Variants in GMCL1 observed in about 807,000 individuals in gnomAD.
GMCL1 encodes germ cell-less 1, spermatogenesis associated.
Under a neutral mutation model 75.5 loss-of-function variants are expected in GMCL1, and 54 were observed. That is an observed-to-expected ratio of 0.71 (90% CI 0.57 to 0.90). GMCL1 has a LOEUF of 0.90. GMCL1 is among the 40% of genes least tolerant of loss of function. The pLI is 0.00. For synonymous variants in GMCL1, 210 were observed against 209.6 expected (o/e 1.00, Z -0.02); for missense variants, 537 against 622.7 (o/e 0.86, Z 1.47).
Position 69,830,108 on chromosome 2 carries a change from G to A in GMCL1, c.216G>A (p.Glu72=). The change falls in exon 1 of 14, where the codon GAG becomes GAA. Residue 72 remains glutamate, a synonymous_variant. Coordinates refer to ENST00000282570, the MANE Select transcript of GMCL1 (RefSeq NM_178439.5). ...CTGACTCGGAGACGGACGAGGATGAGGAGGAGGGGGACGAGCAGCAGCGGC... is the reference window on the plus strand; with the variant it reads ...CTGACTCGGAGACGGACGAGGATGAAGAGGAGGGGGACGAGCAGCAGCGGC... The part of the protein sequence containing the change: ...CHPDSETDED[E]EEGDEQQRLL... 1.3e-6 allele frequency: 2 copies of A among 1,578,772 alleles called. No homozygotes were observed. The highest frequency in any genetic ancestry group is 1.7e-6 in the Non-Finnish European group (2 of 1,161,844).
At chr2:69,830,291 G>C (rs1440593915) in intron 1 of GMCL1, 139 bp downstream of exon 1, 1 of 1,183,426 alleles carries the variant, frequency 8.5e-7, no homozygotes, top group African/African-American at 1.6e-5. Context: ...GGTGAATGTG[G>C]AAGCCGGCCC....
chr2:69,869,818 T>C lies in GMCL1; in HGVS notation c.1318T>C (p.Cys440Arg), dbSNP rs754036673. 1.2e-6 allele frequency: 2 copies of C among 1,614,058 alleles called. No homozygotes were observed. Among genetic ancestry groups the C allele is most frequent in the Non-Finnish European group, 8.5e-7 (1 of 1,179,996 alleles). The change falls in exon 12 of 14, where the codon TGT (cysteine) becomes CGT (arginine). Residue 440 changes from cysteine to arginine, a missense_variant. By Grantham distance (180) the Cys-to-Arg change is radical (BLOSUM62 -3). This residue lies in a region of GMCL1 where 345 missense variants were observed against 410.5 expected (regional missense o/e 0.84). Coordinates refer to ENST00000282570, the MANE Select transcript of GMCL1 (RefSeq NM_178439.5). Reference protein sequence around the residue: ...IFKRNTLNQPCSGSVSLQPRR... With the variant: ...IFKRNTLNQPRSGSVSLQPRR... ...CAAACGCAATACACTGAATCAGCCA[T>C]GTAGCGGATCTGTCAGTTTACAGCC...
At chr2:69,840,868 C>A in intron 3 of GMCL1, 74 bp from the exon 4 acceptor site, 1 of 945,196 alleles carries the variant, frequency 1.1e-6, no homozygotes, top group South Asian at 1.6e-5. Flanking sequence ...TGAAGACAGT[C>A]GTTGTTGTTA....
intron 1 of GMCL1, among the ~76,000 whole-genome samples, chr2:69,834,818 T>C (rs940042944): frequency 6.6e-6 from 1 of 152,170 alleles, no homozygotes; most frequent in African/African-American, 2.4e-5. Context: ...TTATCTTTAT[T>C]TTTTCTTTCT....
intron 11 of GMCL1, 92 bp downstream of exon 11, chr2:69,865,067 AC>A (rs1675771772): frequency 1.1e-6 from 1 of 893,722 alleles, no homozygotes; most frequent in Admixed American, 2.1e-5. Flanking sequence ...CACCTGTCAT[AC>A]CTCAGAAGAG....
At chr2:69,866,708 T>C (rs1675827852) in intron 11 of GMCL1, among the ~76,000 whole-genome samples, 2 of 152,062 alleles carry the variant, frequency 1.3e-5, no homozygotes, top group African/African-American at 4.8e-5. Context: ...CAAGAGATCT[T>C]CCTGCCTTAG....
chr2:69,830,298 G>C, intron 1 of GMCL1, 146 bp downstream of exon 1: 1 of 1,106,090 alleles, frequency 9.0e-7, no homozygotes, highest in Non-Finnish European at 1.2e-6. Context: ...GTGGAAGCCG[G>C]CCCGATGCGG....
At chr2:69,841,424 T>C (rs1674982778) in intron 4 of GMCL1, among the ~76,000 whole-genome samples, 1 of 152,232 alleles carries the variant, frequency 6.6e-6, no homozygotes, top group Non-Finnish European at 1.5e-5. Context: ...TATTTAAATT[T>C]CTCTTAATTT....
At chr2:69,842,013 T>C (rs13391033) in intron 4 of GMCL1, among the ~76,000 whole-genome samples, 12,945 of 152,254 alleles carry the variant, frequency 0.085, 1,876 homozygotes, top group African/African-American at 0.3. Flanking sequence ...ACCTTTGGAA[T>C]ATTTTAATCA....
At chr2:69,862,029 A>G (rs928601568) in intron 10 of GMCL1, among the ~76,000 whole-genome samples, 5 of 152,144 alleles carry the variant, frequency 3.3e-5, no homozygotes, top group Non-Finnish European at 7.3e-5. Context: ...ACAAACAAAC[A>G]AAAAAACACC....
intron 9 of GMCL1, among the ~76,000 whole-genome samples, chr2:69,857,673 C>A (rs540163870): frequency 2.7e-4 from 41 of 152,224 alleles, no homozygotes; most frequent in Middle Eastern, 3.4e-3. Flanking sequence ...ATATTTTATA[C>A]CTAGATACTC....
At chr2:69,834,744 ATATACTACCTTAGTT>A (rs1674773326) in intron 1 of GMCL1, among the ~76,000 whole-genome samples, 2 of 152,108 alleles carry the variant, frequency 1.3e-5, no homozygotes, top group African/African-American at 4.8e-5. Flanking sequence ...CTGGAGACTC[ATATACTACCTTAGTT>A]TTGGGAAATT....
rs897571359 is a variant in GMCL1, at chr2:69,847,575, C to T, written c.791C>T (p.Ser264Phe). 1.2e-5 allele frequency: 20 copies of T among 1,611,024 alleles called. No individual in the cohort carries two copies. Among genetic ancestry groups the T allele is most frequent in the Non-Finnish European group, 1.7e-5 (20 of 1,177,626 alleles). The change falls in exon 7 of 14, where the codon TCT becomes TTT. Residue 264 changes from serine to phenylalanine, a missense_variant. Around this residue, in one of 3 missense-constraint regions of GMCL1, gnomAD observed 345 missense variants for 410.5 expected, o/e 0.84. Coordinates refer to ENST00000282570, the MANE Select transcript of GMCL1 (RefSeq NM_178439.5). The part of the protein sequence containing the change: ...INVMKQLIGS[S>F]NLFVMQVEMD... The stretch of plus-strand genomic sequence containing the variant: ...GTCATGAAACAGCTCATTGGTTCAT[C>T]TAACTTATTTGTGATGCAAGTGGAG...
chr2:69,829,716 G>C lies in GMCL1; in HGVS notation c.-177G>C. ...TGCGGTGCTAGAGCGCGGCGCGACC[G>C]GACGCTGCGGGCGGGGAAGAGGATG... On this transcript the variant is annotated 5_prime_UTR_variant, in exon 1 of 14. Transcript: ENST00000282570. The C allele has an allele frequency of 1.4e-6, 1 of 695,826 alleles. No homozygotes were observed. The highest frequency in any genetic ancestry group is 3.2e-5 in the Admixed American group (1 of 31,328). 43.1% of individuals were successfully genotyped at this position (695,826 alleles called of 1,614,324 possible). A position where few individuals can be genotyped will look rare whatever the true frequency, so the allele number is the denominator to read the frequency against.
intron 8 of GMCL1, among the ~76,000 whole-genome samples, chr2:69,852,544 C>CTTT (rs143568937): frequency 1.4e-4 from 20 of 147,754 alleles, no homozygotes; most frequent in Admixed American, 7.4e-4. Context: ...GTCTGTCTGT[C>CTTT]TTTTTTTTTT....
Position 69,829,914 on chromosome 2 carries a change from G to C in GMCL1, c.22G>C (p.Val8Leu). 1.2e-6 allele frequency: 2 copies of C among 1,603,588 alleles called. No individual in the cohort carries two copies. Among genetic ancestry groups the C allele is most frequent in the Non-Finnish European group, 1.7e-6 (2 of 1,175,354 alleles). The change falls in exon 1 of 14, where the codon GTG becomes CTG. Residue 8 changes from valine (V) to leucine (L), a missense_variant. Coordinates refer to ENST00000282570, the MANE Select transcript of GMCL1 (RefSeq NM_178439.5). ...ACCCATGGGATCGTTGAGCAGCCGG[G>C]TGCTGCGCCAGCCAAGACCAGCCCT... is the stretch of plus-strand genomic sequence containing the variant. MGSLSSRVLRQPRPALAQ... is the reference protein window; with the variant it reads MGSLSSRLLRQPRPALAQ...
chr2:69,830,046 C>A lies in GMCL1; in HGVS notation c.154C>A (p.Arg52Ser). 2 of 1,565,856 alleles carry A rather than the reference C, an allele frequency of 1.3e-6. No homozygotes were observed. Among genetic ancestry groups the A allele is most frequent in the Non-Finnish European group, 1.7e-6 (2 of 1,154,756 alleles). Residue 52 changes from arginine to serine, a missense_variant, in exon 1 of 14, where the codon CGC becomes AGC. Around this residue, in one of 3 missense-constraint regions of GMCL1, gnomAD observed 144 missense variants for 127.2 expected, o/e 1.13. Coordinates refer to ENST00000282570, the MANE Select transcript of GMCL1 (RefSeq NM_178439.5). Reference sequence around the variant, plus strand: ...CTGTTACTGTGCGGGCAGCCACAAGCGCAAGCGGAGCAGCGGGTCCTTCTG... The same window carrying A: ...CTGTTACTGTGCGGGCAGCCACAAGAGCAAGCGGAGCAGCGGGTCCTTCTG... ...GFCYCAGSHK[R>S]KRSSGSFCYC...
chr2:69,861,420 G>A, intron 10 of GMCL1, 73 bp downstream of exon 10: 1 of 883,492 alleles, frequency 1.1e-6, no homozygotes, highest in Non-Finnish European at 1.8e-6. Flanking sequence ...TCATTATGTT[G>A]AAAAATCATT....
Position 69,871,740 on chromosome 2 carries a change from CCT to C in GMCL1, c.1365-4_1365-3del. On this transcript the variant is annotated splice_region_variant and splice_polypyrimidine_tract_variant and intron_variant, in intron 12 of 13. Coordinates refer to ENST00000282570, the MANE Select transcript of GMCL1 (RefSeq NM_178439.5). ...GTTTATTTTTTATTTTTTTTTTAAT[CCT>C]AGATTACGTTTGGCTTCTTTTGATA... 1 of 1,445,090 alleles carries C rather than the reference CCT, an allele frequency of 6.9e-7. No homozygotes were observed. The highest frequency in any genetic ancestry group is 9.5e-7 in the Non-Finnish European group (1 of 1,054,120). 89.5% of individuals were successfully genotyped at this position (1,445,090 alleles called of 1,614,324 possible). A position where few individuals can be genotyped will look rare whatever the true frequency, so the allele number is the denominator to read the frequency against.
Sources: gnomAD v4.1 joint callset for allele counts (sites outside exome capture counted in the v4.1 genomes callset) on GRCh38, gnomAD v4.1.1 for gene constraint, gnomAD v4.1.1 regional missense constraint, MANE v1.5 for transcripts, NCBI Gene and HGNC (gene_info 2026-07-23, HGNC 2026-07-21) for gene names.